SLAMF6: variants seen among roughly 807,000 people sequenced by gnomAD.
The protein encoded by SLAMF6 is SLAM family member 6, also known as NK-T-B-antigen.
Under a neutral mutation model 38.3 loss-of-function variants are expected in SLAMF6, and 21 were observed. The ratio of observed to expected loss-of-function variants is 0.55; its 90% CI spans 0.39 to 0.79. SLAMF6 has a LOEUF of 0.79. SLAMF6 is among the 30% of genes least tolerant of loss of function. SLAMF6 has a pLI of 0.00. For synonymous variants in SLAMF6, 152 were observed against 146.3 expected, an observed-to-expected ratio of 1.04 and a Z score of -0.28; for missense variants, 341 against 385.3, an observed-to-expected ratio of 0.89 and a Z score of 0.96.
At chr1:160,486,818 A>G in intron 7 of SLAMF6, 64 bp from the exon 8 acceptor site, 1 of 1,564,026 alleles carries the variant, frequency 6.4e-7, no homozygotes, top group Non-Finnish European at 8.8e-7. Context: ...CACCCCTCAT[A>G]ACTACAGAGA....
intron 1 of SLAMF6, among the ~76,000 whole-genome samples, chr1:160,499,159 T>C (rs1205522993): frequency 2.0e-5 from 3 of 152,180 alleles, no homozygotes; most frequent in African/African-American, 7.2e-5. Context: ...AGAAGGGTAT[T>C]TCCTATTTTT....
At chr1:160,514,936 A>T (rs1310820887) in intron 1 of SLAMF6, among the ~76,000 whole-genome samples, 11 of 152,166 alleles carry the variant, frequency 7.2e-5, no homozygotes, top group Admixed American at 7.2e-4. Context: ...TAACATTAAA[A>T]CTAAAAGAAC....
intron 1 of SLAMF6, among the ~76,000 whole-genome samples, chr1:160,510,691 C>G (rs1179200195): frequency 1.3e-5 from 2 of 152,136 alleles, no homozygotes; most frequent in South Asian, 2.1e-4. Flanking sequence ...CAACAGTGCC[C>G]AGTCTCACCA....
intron 2 of SLAMF6, among the ~76,000 whole-genome samples, chr1:160,494,264 G>A (rs1653449721): frequency 6.6e-6 from 1 of 152,292 alleles, no homozygotes; most frequent in South Asian, 2.1e-4. Flanking sequence ...CCCTGAAAGA[G>A]ATCAGCATTG....
At chr1:160,496,847 A>G (rs1457492683) in intron 1 of SLAMF6, among the ~76,000 whole-genome samples, 1 of 152,206 alleles carries the variant, frequency 6.6e-6, no homozygotes, top group Admixed American at 6.5e-5. Flanking sequence ...TGCAACTTAG[A>G]AGGCTGGTAA....
chr1:160,523,016 G>A, intron 1 of SLAMF6, 128 bp downstream of exon 1: 2 of 918,376 alleles, frequency 2.2e-6, no homozygotes, highest in Non-Finnish European at 1.7e-6. Context: ...AACACTGCCA[G>A]CGTCCCCTTT....
chr1:160,502,425 G>T (rs1036282578), intron 1 of SLAMF6, among the ~76,000 whole-genome samples: 7 of 152,108 alleles, frequency 4.6e-5, no homozygotes, highest in Non-Finnish European at 7.4e-5. Flanking sequence ...GACATTTGGG[G>T]TACATTTGTT....
At position 160,496,339 on chromosome 1, in the gene SLAMF6, C is replaced by G; in HGVS notation, c.104G>C (p.Gly35Ala). 1 of 1,613,948 alleles carries G rather than the reference C, an allele frequency of 6.2e-7. No homozygotes were observed. Among genetic ancestry groups the G allele is most frequent in the Non-Finnish European group, 8.5e-7 (1 of 1,179,902 alleles). ...CTCCAGGGGAAGAGTTACTGACTCC[C>G]CCAGAATCCCGTTCACCATCAATGG... ...LTPLMVNGILGESVTLPLEFP... is the reference protein window; with the variant it reads ...LTPLMVNGILAESVTLPLEFP... Residue 35 changes from glycine (G) to alanine (A), a missense_variant, in exon 2 of 8, where the codon GGG becomes GCG. Transcript: ENST00000368057.
intron 1 of SLAMF6, among the ~76,000 whole-genome samples, chr1:160,511,962 C>G (rs1198189996): frequency 6.6e-6 from 1 of 152,190 alleles, no homozygotes; most frequent in Non-Finnish European, 1.5e-5. Flanking sequence ...GCTACCCCAC[C>G]CAGGAAACCA....
chr1:160,490,770 C>T, intron 3 of SLAMF6, 85 bp from the exon 4 acceptor site: 5 of 1,534,316 alleles, frequency 3.3e-6, no homozygotes, highest in Non-Finnish European at 4.4e-6. Context: ...CTCTTCTAGG[C>T]CATCTTTGGG....
chr1:160,502,607 G>A (rs535709042), intron 1 of SLAMF6, among the ~76,000 whole-genome samples: 1 of 152,288 alleles, frequency 6.6e-6, no homozygotes, highest in South Asian at 2.1e-4. Context: ...AGTTTGGAAG[G>A]TATTAAAAAA....
intron 1 of SLAMF6, among the ~76,000 whole-genome samples, chr1:160,518,000 C>G (rs1654823881): frequency 6.6e-6 from 1 of 151,806 alleles, no homozygotes; most frequent in South Asian, 2.1e-4. Context: ...CACATGTACC[C>G]AGAACTAAAA....
At chr1:160,520,803 C>T (rs1438039041) in intron 1 of SLAMF6, among the ~76,000 whole-genome samples, 1 of 152,098 alleles carries the variant, frequency 6.6e-6, no homozygotes, top group African/African-American at 2.4e-5. Flanking sequence ...ATGGTTGTTT[C>T]AAAGATTAAT....
intron 1 of SLAMF6, among the ~76,000 whole-genome samples, chr1:160,500,885 T>C (rs1223091996): frequency 6.6e-6 from 1 of 152,162 alleles, no homozygotes; most frequent in Non-Finnish European, 1.5e-5. Flanking sequence ...GGAGCTGTTC[T>C]TCCCTTGCCT....
At chr1:160,513,420 A>G (rs548709653) in intron 1 of SLAMF6, among the ~76,000 whole-genome samples, 1 of 152,340 alleles carries the variant, frequency 6.6e-6, no homozygotes, top group South Asian at 2.1e-4. Flanking sequence ...GGTGAATGAA[A>G]CAAAGTTGGA....
intron 6 of SLAMF6, 116 bp downstream of exon 6, chr1:160,488,972 G>A (rs1260874269): frequency 1.1e-6 from 1 of 908,304 alleles, no homozygotes; most frequent in Non-Finnish European, 1.8e-6. Flanking sequence ...CTGTCGCTGT[G>A]GCTGTCTTCT....
rs771179219 is a variant in SLAMF6, at chr1:160,486,880, G to A, written c.952-126C>T. On this transcript the variant is annotated intron_variant, in intron 7 of 7. Transcript: ENST00000368057. ...ATAATAGAGATATTGATAGCATAGG[G>A]CAGGATTAAATTTAAAAACATGTAA... The A allele has an allele frequency of 1.3e-5, 15 of 1,116,832 alleles. No homozygotes were observed. The Middle Eastern group carries it at 8.4e-4, about 63-fold the overall frequency. 69.2% of individuals were successfully genotyped at this position (1,116,832 alleles called of 1,614,324 possible).
chr1:160,507,750 C>A (rs559865850), intron 1 of SLAMF6, among the ~76,000 whole-genome samples: 1 of 152,022 alleles, frequency 6.6e-6, no homozygotes, highest in African/African-American at 2.4e-5. Flanking sequence ...TTGGAAAATT[C>A]ACAAATATGT....
At chr1:160,491,005 C>T (rs1653260124) in intron 3 of SLAMF6, 120 bp downstream of exon 3, 1 of 1,278,668 alleles carries the variant, frequency 7.8e-7, no homozygotes, top group African/African-American at 1.5e-5. Context: ...GGGCATCTGT[C>T]CCCTCCCAGC....
Sources: gnomAD v4.1 joint callset for allele counts (sites outside exome capture counted in the v4.1 genomes callset) on GRCh38, gnomAD v4.1.1 for gene constraint, MANE v1.5 for transcripts, NCBI Gene and HGNC (gene_info 2026-07-23, HGNC 2026-07-21) for gene names.